NAV2: variants seen among roughly 807,000 people sequenced by gnomAD.
NAV2 encodes neuron navigator 2, also known as helicase, APC down-regulated 1.
Under a neutral mutation model 223.2 loss-of-function variants are expected in NAV2, and 54 were observed. The observed-to-expected ratio is 0.24, with a 90% confidence interval of 0.19 to 0.30. The LOEUF (loss-of-function observed/expected upper bound fraction) is 0.30. NAV2 is among the 10% of genes least tolerant of loss of function. The probability of loss-of-function intolerance (pLI) is 1.00; values close to 1 mark genes in which losing one functional copy is unlikely to be tolerated. For synonymous variants in NAV2, 1,279 were observed against 1,239.3 expected (o/e 1.03, Z -0.67); for missense variants, 2,806 against 3,147.5 (o/e 0.89, Z 2.60).
intron 1 of NAV2, among the ~76,000 whole-genome samples, chr11:19,551,898 T>TCC (rs2044701317): frequency 9.5e-6 from 1 of 105,702 alleles, no homozygotes; most frequent in Admixed American, 7.9e-5. Flanking sequence ...CCTCTCCTCT[T>TCC]CTCTCTCTCT....
chr11:19,369,740 T>A (rs190530104), intron 1 of NAV2, among the ~76,000 whole-genome samples: 93 of 152,258 alleles, frequency 6.1e-4, no homozygotes, highest in Middle Eastern at 6.8e-3. Flanking sequence ...TGAAAAAGCC[T>A]CTTGCAAACC....
intron 1 of NAV2, among the ~76,000 whole-genome samples, chr11:19,582,288 G>A (rs142808124): frequency 4.3e-4 from 66 of 152,220 alleles, no homozygotes; most frequent in African/African-American, 1.4e-3. Flanking sequence ...TGAGTAGATC[G>A]CAACAATTTT....
intron 1 of NAV2, among the ~76,000 whole-genome samples, chr11:19,461,281 C>T (rs1852149822): frequency 6.6e-6 from 1 of 152,116 alleles, no homozygotes; most frequent in African/African-American, 2.4e-5. Flanking sequence ...TGGTCCATTG[C>T]CAACACTCCT....
intron 22 of NAV2, among the ~76,000 whole-genome samples, chr11:20,076,768 G>A (rs1405091291): frequency 5.9e-5 from 9 of 151,980 alleles, no homozygotes; most frequent in Admixed American, 5.9e-4. Flanking sequence ...CTCTTTTTTT[G>A]TATTTTAACA....
intron 1 of NAV2, among the ~76,000 whole-genome samples, chr11:19,706,254 C>T (rs10732470): frequency 0.77 from 117,109 of 152,124 alleles, 48,253 homozygotes; most frequent in Middle Eastern, 0.93. Flanking sequence ...TTCCTCTAAT[C>T]CTTTGTGGGA....
intron 1 of NAV2, among the ~76,000 whole-genome samples, chr11:19,558,555 C>T (rs953743433): frequency 2.6e-5 from 4 of 152,226 alleles, no homozygotes; most frequent in Non-Finnish European, 5.9e-5. Flanking sequence ...AATCCAGTGG[C>T]AGCGGACTGG....
chr11:19,408,825 G>A (rs555925775), intron 1 of NAV2, among the ~76,000 whole-genome samples: 14 of 131,150 alleles, frequency 1.1e-4, no homozygotes, highest in Admixed American at 1.5e-4. Flanking sequence ...CTGGCGGGGT[G>A]GGGGGATGTT....
At chr11:19,360,761 C>T (rs1853889379) in intron 1 of NAV2, among the ~76,000 whole-genome samples, 1 of 152,188 alleles carries the variant, frequency 6.6e-6, no homozygotes, top group South Asian at 2.1e-4. Context: ...GAGCAGGAGG[C>T]ACTCTTTGTG....
intron 1 of NAV2, among the ~76,000 whole-genome samples, chr11:19,457,375 G>A (rs761744172): frequency 2.6e-5 from 4 of 152,148 alleles, no homozygotes; most frequent in East Asian, 3.9e-4. Flanking sequence ...TGAAGACCTC[G>A]GGACCTGAAT....
At chr11:19,697,482 C>T (rs1428506134) in intron 1 of NAV2, among the ~76,000 whole-genome samples, 2 of 150,282 alleles carry the variant, frequency 1.3e-5, no homozygotes, top group African/African-American at 4.9e-5. Context: ...CTGAATAGGG[C>T]AATGCAGGAA....
Position 19,370,457 on chromosome 11 carries a change from T to C in NAV2, c.75+19430T>C, listed in dbSNP as rs73428678. ...GTGCAGGTGAGAGTGTGTCATCTGA[T>C]GTGGAAGACTCTGAGCATCAAAGAC... On this transcript the variant is annotated intron_variant, in intron 1 of 37. Transcript: ENST00000360655. Among the ~76,000 whole-genome samples the C allele has an allele frequency of 4.0e-3, 611 of 152,348 alleles. 5 individuals are homozygous for C. Among genetic ancestry groups the C allele is most frequent in the African/African-American group, 0.014 (575 of 41,580 alleles).
At chr11:19,562,742 A>G (rs1406263756) in intron 1 of NAV2, among the ~76,000 whole-genome samples, 1 of 152,216 alleles carries the variant, frequency 6.6e-6, no homozygotes, top group African/African-American at 2.4e-5. Flanking sequence ...CACTAAAGCA[A>G]TAGTTCTCAG....
intron 1 of NAV2, among the ~76,000 whole-genome samples, chr11:19,823,820 G>T (rs1245410465): frequency 6.6e-6 from 1 of 152,196 alleles, no homozygotes; most frequent in Non-Finnish European, 1.5e-5. Flanking sequence ...CAATGTAGAT[G>T]ACGGGTTGAT....
chr11:20,034,966 G>A (rs1379951143), intron 11 of NAV2, among the ~76,000 whole-genome samples: 1 of 152,178 alleles, frequency 6.6e-6, no homozygotes, highest in Non-Finnish European at 1.5e-5. Flanking sequence ...GGAGAGGGGT[G>A]CAAAACAGGA....
chr11:19,479,607 C>T (rs2042219593), intron 1 of NAV2, among the ~76,000 whole-genome samples: 2 of 152,138 alleles, frequency 1.3e-5, no homozygotes, highest in South Asian at 2.1e-4. Flanking sequence ...GAACTAAGCT[C>T]CTGCCTCTAT....
At chr11:19,711,345 C>G (rs1565187458), upstream of NAV2, 1 of 152,184 alleles carries the variant, frequency 6.6e-6, no homozygotes, top group South Asian at 2.1e-4. Context: ...AAGTCTGAGA[C>G]TAGGATGCCA....
chr11:19,442,787 G>A (rs930070110), intron 1 of NAV2, among the ~76,000 whole-genome samples: 2 of 152,180 alleles, frequency 1.3e-5, no homozygotes, highest in African/African-American at 2.4e-5. Flanking sequence ...TGTGACAATA[G>A]GCTATATAAA....
At chr11:20,036,675 A>G (rs571322010) in intron 12 of NAV2, among the ~76,000 whole-genome samples, 1 of 152,188 alleles carries the variant, frequency 6.6e-6, no homozygotes, top group Non-Finnish European at 1.5e-5. Flanking sequence ...GAATTATATT[A>G]TTTCACATGA....
intron 1 of NAV2, among the ~76,000 whole-genome samples, chr11:19,690,578 T>TAA (rs1340847598): frequency 6.6e-6 from 1 of 152,172 alleles, no homozygotes; most frequent in Non-Finnish European, 1.5e-5. Context: ...TTAATTAAAA[T>TAA]AAAGTTTGGG....
Sources: allele counts gnomAD v4.1 joint callset (sites outside exome capture counted in the v4.1 genomes callset), GRCh38; gene constraint gnomAD v4.1.1; transcripts MANE v1.5; gene names NCBI Gene and HGNC (gene_info 2026-07-23, HGNC 2026-07-21).